The following RARB variants were observed in gnomAD, a reference collection of about 807,000 sequenced individuals.
The protein encoded by RARB is HBV-activated protein.
A neutral mutation model predicts 51.9 loss-of-function variants in RARB; 17 were observed. The ratio of observed to expected loss-of-function variants is 0.33; its 90% CI spans 0.22 to 0.49. The LOEUF is 0.49. RARB is among the 20% of genes least tolerant of loss of function. The pLI, the probability that RARB is intolerant of heterozygous loss-of-function variation, is 0.99. For missense variants in RARB, 369 were observed against 550.8 expected (o/e 0.67, Z 3.30); for synonymous variants, 215 against 195.4 (o/e 1.10, Z -0.84).
At chr3:25,374,402 A>G (rs1706395354) in intron 5 of RARB, among the ~76,000 whole-genome samples, 1 of 152,182 alleles carries the variant, frequency 6.6e-6, no homozygotes, top group Non-Finnish European at 1.5e-5. Flanking sequence ...GGGTTAAGAA[A>G]GACCAACAAG....
At chr3:25,163,495 C>T (rs1322637158) in intron 4 of RARB, among the ~76,000 whole-genome samples, 1 of 117,714 alleles carries the variant, frequency 8.5e-6, no homozygotes, top group East Asian at 2.0e-4. Flanking sequence ...GAATAAGACC[C>T]TATCTCAAAA....
chr3:25,037,177 T>C (rs190721948), intron 2 of RARB, among the ~76,000 whole-genome samples: 3 of 152,254 alleles, frequency 2.0e-5, no homozygotes, highest in East Asian at 3.9e-4. Context: ...ATAGCTCTGA[T>C]TGACTTTTGT....
At chr3:25,248,608 A>C (rs1190430518) in intron 5 of RARB, among the ~76,000 whole-genome samples, 4 of 152,048 alleles carry the variant, frequency 2.6e-5, no homozygotes, top group African/African-American at 7.2e-5. Context: ...GACTCCCTTA[A>C]AGCATTTTTT....
intron 3 of RARB, among the ~76,000 whole-genome samples, chr3:25,548,584 GT>G (rs1298170480): frequency 7.9e-6 from 1 of 126,396 alleles, no homozygotes; most frequent in East Asian, 2.7e-4. Flanking sequence ...TATAGAGGAT[GT>G]TTTTTTCCTG....
intron 1 of RARB, among the ~76,000 whole-genome samples, chr3:24,847,381 T>C (rs1031724093): frequency 6.6e-6 from 1 of 152,322 alleles, no homozygotes; most frequent in Non-Finnish European, 1.5e-5. Flanking sequence ...GAGTGGAAGA[T>C]TGGGTGTGGA....
chr3:25,332,253 GA>G (rs1262975388), intron 5 of RARB, among the ~76,000 whole-genome samples: 1 of 152,174 alleles, frequency 6.6e-6, no homozygotes, highest in Non-Finnish European at 1.5e-5. Context: ...TATCCCTGAT[GA>G]ACATCGATGC....
chr3:25,109,957 G>A (rs1006371478), intron 3 of RARB, among the ~76,000 whole-genome samples: 9 of 152,146 alleles, frequency 5.9e-5, no homozygotes, highest in Admixed American at 2.6e-4. Flanking sequence ...TTCCCATCTC[G>A]CTTATGAGCG....
chr3:25,343,582 T>C (rs751581715), intron 5 of RARB, among the ~76,000 whole-genome samples: 1 of 152,188 alleles, frequency 6.6e-6, no homozygotes, highest in Admixed American at 6.5e-5. Flanking sequence ...CCCAAATTTA[T>C]GTTCCACAGA....
At chr3:25,037,364 A>T (rs762249880) in intron 2 of RARB, among the ~76,000 whole-genome samples, 21 of 151,850 alleles carry the variant, frequency 1.4e-4, no homozygotes, top group Admixed American at 3.3e-4. Context: ...CAGGGCAAAC[A>T]TGGGGTGGAG....
chr3:25,073,171 G>C (rs924466795), intron 3 of RARB, among the ~76,000 whole-genome samples: 6 of 152,150 alleles, frequency 3.9e-5, no homozygotes, highest in African/African-American at 1.4e-4. Flanking sequence ...AATAATTTGG[G>C]AGTAATACAA....
chr3:24,934,817 T>C (rs1695516596), intron 2 of RARB, among the ~76,000 whole-genome samples: 1 of 152,124 alleles, frequency 6.6e-6, no homozygotes, highest in East Asian at 1.9e-4. Flanking sequence ...TGAGCTATTA[T>C]AAAGCATAAA....
Position 25,512,567 on chromosome 3 carries a change from G to T in RARB, c.448+11244G>T, listed in dbSNP as rs76343051. ...ACACACTAGCCATCACTGACCACTC[G>T]GTGTCCTCTCATGTGACACAGCATC... is the stretch of plus-strand genomic sequence containing the variant. On this transcript the variant is annotated intron_variant, in intron 3 of 7. Transcript: ENST00000330688. Among the ~76,000 whole-genome samples, 3 of 152,170 alleles carry T rather than the reference G, an allele frequency of 2.0e-5. No individual in the cohort carries two copies. The East Asian group carries it at 5.8e-4, about 29-fold the overall frequency.
intron 5 of RARB, among the ~76,000 whole-genome samples, chr3:25,176,436 G>T (rs768302074): frequency 1.4e-5 from 2 of 145,012 alleles, no homozygotes; most frequent in East Asian, 4.1e-4. Flanking sequence ...TCGCTCTGTC[G>T]CCGGGCCAGA....
At chr3:25,166,716 C>T (rs1317864297) in intron 4 of RARB, among the ~76,000 whole-genome samples, 2 of 152,156 alleles carry the variant, frequency 1.3e-5, no homozygotes, top group East Asian at 1.9e-4. Context: ...TTGGATCACT[C>T]TTGAAGGAAG....
chr3:24,933,697 A>C (rs1024514161), intron 2 of RARB, among the ~76,000 whole-genome samples: 1 of 152,136 alleles, frequency 6.6e-6, no homozygotes, highest in Non-Finnish European at 1.5e-5. Context: ...TTCTTCATAA[A>C]ATGGCCACTT....
chr3:25,247,458 A>G (rs955905428), intron 5 of RARB, among the ~76,000 whole-genome samples: 1 of 152,204 alleles, frequency 6.6e-6, no homozygotes, highest in Non-Finnish European at 1.5e-5. Flanking sequence ...GTGTAGGCAC[A>G]CAAGGGAATC....
chr3:25,305,273 A>C (rs1234876377), intron 5 of RARB, among the ~76,000 whole-genome samples: 1 of 152,134 alleles, frequency 6.6e-6, no homozygotes, highest in Non-Finnish European at 1.5e-5. Context: ...GAGAGGTTTT[A>C]AGGAAAAAGA....
chr3:25,558,438 C>G lies in RARB; in HGVS notation c.449-11320C>G, dbSNP rs141655475. 9.6e-3 allele frequency among the ~76,000 whole-genome samples: 1,458 copies of G among 151,976 alleles called. 11 individuals are homozygous for G. Among genetic ancestry groups the G allele is most frequent in the Middle Eastern group, 0.024 (7 of 290 alleles). On this transcript the variant is annotated intron_variant, in intron 3 of 7. Coordinates refer to ENST00000330688, the MANE Select transcript of RARB (RefSeq NM_000965.5). ...CATTGGTTTCTGCGGTTTTTTATTC[C>G]AATTTCTCCCACAGTTCATCTGCTT... is the stretch of plus-strand genomic sequence containing the variant.
chr3:25,266,916 T>C (rs1394757210), intron 5 of RARB, among the ~76,000 whole-genome samples: 1 of 152,196 alleles, frequency 6.6e-6, no homozygotes, highest in African/African-American at 2.4e-5. Context: ...TACATTTCTA[T>C]TGTTTAAGCC....
Sources: gnomAD v4.1 joint callset for allele counts (sites outside exome capture counted in the v4.1 genomes callset) on GRCh38, gnomAD v4.1.1 for gene constraint, MANE v1.5 for transcripts, NCBI Gene and HGNC (gene_info 2026-07-23, HGNC 2026-07-21) for gene names.